Variants in FGFR2 observed in about 807,000 individuals in gnomAD.
FGFR2 encodes the protein fibroblast growth factor receptor 2.
A neutral mutation model predicts 95.9 loss-of-function variants in FGFR2; 19 were observed. That is an observed-to-expected ratio of 0.20 (90% confidence interval 0.14 to 0.29). The LOEUF (loss-of-function observed/expected upper bound fraction) is 0.29, where lower values mean the gene tolerates loss of function less well. FGFR2 is among the 10% of genes least tolerant of loss of function. The probability of loss-of-function intolerance (pLI) is 1.00; values close to 1 mark genes in which losing one functional copy is unlikely to be tolerated. For missense variants in FGFR2, 707 were observed against 1,056.9 expected, an observed-to-expected ratio of 0.67 and a Z score of 4.59; for synonymous variants, 392 against 393.3, an observed-to-expected ratio of 1.00 and a Z score of 0.04.
rs1850276124 is a variant in FGFR2, at chr10:121,520,007, T to C, written c.911A>G (p.Asp304Gly). Residue 304 changes from aspartate (D) to glycine (G), a missense_variant, in exon 7 of 18, where the codon GAC (aspartate) becomes GGC (glycine). Physicochemically the swap from Asp to Gly is moderately conservative, Grantham distance 94. Coordinates refer to ENST00000358487, the MANE Select transcript of FGFR2 (RefSeq NM_000141.5). Reference protein sequence around the residue: ...VEKNGSKYGPDGLPYLKVLKA... With the variant: ...VEKNGSKYGPGGLPYLKVLKA... ...GAGAACCTTGAGGTAGGGCAGCCCG[T>C]CGGGCCCGTATTTACTGCCGTTCTT... The C allele has an allele frequency of 3.7e-6, 6 of 1,614,090 alleles. No individual in the cohort carries two copies. Among genetic ancestry groups the C allele is most frequent in the Admixed American group, 1.7e-5 (1 of 60,010 alleles).
chr10:121,543,098 C>T (rs551862399), intron 5 of FGFR2, among the ~76,000 whole-genome samples: 29 of 152,282 alleles, frequency 1.9e-4, no homozygotes, highest in Non-Finnish European at 3.1e-4. Flanking sequence ...GCCTTTCTCC[C>T]GCCAGTATCA....
chr10:121,584,316 C>A (rs1861421164), intron 2 of FGFR2, among the ~76,000 whole-genome samples: 1 of 151,622 alleles, frequency 6.6e-6, no homozygotes, highest in African/African-American at 2.4e-5. Flanking sequence ...TCCAGCCTGG[C>A]CAAAAGCAGA....
chr10:121,557,919 G>C (rs1362469977), intron 4 of FGFR2, among the ~76,000 whole-genome samples: 2 of 152,066 alleles, frequency 1.3e-5, no homozygotes, highest in Non-Finnish European at 2.9e-5. Context: ...ATGGAGTGTG[G>C]GCATCTGCAG....
chr10:121,490,025 AGC>A (rs1276773895), intron 13 of FGFR2, among the ~76,000 whole-genome samples: 1 of 152,240 alleles, frequency 6.6e-6, no homozygotes, highest in Non-Finnish European at 1.5e-5. Flanking sequence ...ACCTGGCCTC[AGC>A]CTGAATGTGC....
chr10:121,524,330 T>C (rs1192086281), intron 6 of FGFR2, among the ~76,000 whole-genome samples: 1 of 152,230 alleles, frequency 6.6e-6, no homozygotes, highest in African/African-American at 2.4e-5. Flanking sequence ...AGCAGGATTG[T>C]TCTGTAATAG....
chr10:121,537,745 G>C (rs1295332915), intron 6 of FGFR2, among the ~76,000 whole-genome samples: 3 of 152,108 alleles, frequency 2.0e-5, no homozygotes, highest in Non-Finnish European at 4.4e-5. Context: ...GTGGCAGGTT[G>C]AAAGTCAAGG....
At chr10:121,590,226 T>C (rs1862437379) in intron 2 of FGFR2, among the ~76,000 whole-genome samples, 1 of 152,180 alleles carries the variant, frequency 6.6e-6, no homozygotes, top group Admixed American at 6.5e-5. Context: ...GGTGTAGGGT[T>C]GAAAAGCCCT....
chr10:121,500,154 T>A (rs1178120954), intron 11 of FGFR2, among the ~76,000 whole-genome samples: 2 of 152,154 alleles, frequency 1.3e-5, no homozygotes, highest in East Asian at 3.9e-4. Context: ...GACGAATAAG[T>A]TAATGGTTAA....
rs779566502 is a variant in FGFR2 at position 121,520,026 on chromosome 10, C to T, written c.892G>A (p.Gly298Ser). Reference sequence around the variant, plus strand: ...AGCCCGTCGGGCCCGTATTTACTGCCGTTCTTTTCCACGTGCTTGATCCAC... The same window carrying T: ...AGCCCGTCGGGCCCGTATTTACTGCTGTTCTTTTCCACGTGCTTGATCCAC... ...IQWIKHVEKNGSKYGPDGLPY... is the reference protein window; with the variant it reads ...IQWIKHVEKNSSKYGPDGLPY... The change falls in exon 7 of 18, where the codon GGC (glycine) becomes AGC (serine). Residue 298 changes from glycine (G) to serine (S), a missense_variant. By Grantham distance (56) the Gly-to-Ser change is moderately conservative. This residue lies in a region of FGFR2 where 139 missense variants were observed against 278.1 expected (regional missense o/e 0.50). Transcript: ENST00000358487. 11 of 1,614,202 alleles carry T rather than the reference C, an allele frequency of 6.8e-6. No homozygotes were observed. The South Asian group carries it at 9.9e-5, about 15-fold the overall frequency.
chr10:121,481,834 A>ATT (rs147891697), intron 17 of FGFR2: 2 of 161,670 alleles, frequency 1.2e-5, no homozygotes, highest in East Asian at 1.3e-4. Context: ...TTTCTTTTTT[A>ATT]TTTTTATTTT....
chr10:121,518,578 G>A lies in FGFR2; in HGVS notation c.940-1115C>T. The A allele has an allele frequency of 7.7e-7, 1 of 1,294,944 alleles. No individual in the cohort carries two copies. The highest frequency in any genetic ancestry group is 1.3e-5 in the South Asian group (1 of 79,802). 80.2% of individuals were successfully genotyped at this position (1,294,944 alleles called of 1,614,324 possible). On this transcript the variant is annotated intron_variant, in intron 7 of 17. Transcript: ENST00000358487. This position sits in a 1 kb window ranked among gnomAD's most constrained non-coding sequence, Gnocchi z 4.0. ...TATTATAAATATACCAAGGCCACAA[G>A]AGTTATCCTATAAGCTGCCTGCAGT...
intron 5 of FGFR2, among the ~76,000 whole-genome samples, chr10:121,545,534 T>C (rs1482141822): frequency 1.3e-5 from 2 of 152,182 alleles, no homozygotes; most frequent in Non-Finnish European, 2.9e-5. Context: ...GAGCAGTCCA[T>C]AAACGTTGGC....
chr10:121,539,919 C>T (rs1360676370), intron 5 of FGFR2, among the ~76,000 whole-genome samples: 3 of 152,208 alleles, frequency 2.0e-5, no homozygotes, highest in South Asian at 2.1e-4. Context: ...CAAAGCAGCG[C>T]CAGTGATTAG....
chr10:121,592,734 A>G (rs1335827823), intron 2 of FGFR2, among the ~76,000 whole-genome samples: 1 of 152,170 alleles, frequency 6.6e-6, no homozygotes, highest in Non-Finnish European at 1.5e-5. Flanking sequence ...AGAGCAGCTC[A>G]GCTTACCCCA....
chr10:121,539,402 T>C (rs974144871), intron 5 of FGFR2, among the ~76,000 whole-genome samples: 1 of 152,152 alleles, frequency 6.6e-6, no homozygotes, highest in African/African-American at 2.4e-5. Flanking sequence ...TTCACAAACT[T>C]CTTGAGACTT....
At chr10:121,593,433 G>T (rs1056068969) in intron 2 of FGFR2, among the ~76,000 whole-genome samples, 3 of 152,016 alleles carry the variant, frequency 2.0e-5, no homozygotes, top group Non-Finnish European at 2.9e-5. Context: ...GCTCTCTCGG[G>T]CACTGGATAA....
Position 121,559,403 on chromosome 10 carries a change from G to C in FGFR2, c.454+5099C>G, listed in dbSNP as rs997992684. Among the ~76,000 whole-genome samples the C allele has an allele frequency of 3.9e-5, 6 of 152,262 alleles. No individual in the cohort carries two copies. The South Asian group carries it at 1.2e-3, about 32-fold the overall frequency. On this transcript the variant is annotated intron_variant, in intron 4 of 17. Transcript: ENST00000358487. ...TTTTAATGGCAACGTCCCCTTTCCTGCCTTGCCAATTACCCCGGCCGTGGC... is the reference window on the plus strand; with the variant it reads ...TTTTAATGGCAACGTCCCCTTTCCTCCCTTGCCAATTACCCCGGCCGTGGC...
At chr10:121,484,924 T>G (rs1358512001) in intron 16 of FGFR2, among the ~76,000 whole-genome samples, 1 of 152,148 alleles carries the variant, frequency 6.6e-6, no homozygotes, top group Non-Finnish European at 1.5e-5. Context: ...AAACACCGAT[T>G]CTCTACTGGC....
chr10:121,482,419 C>A (rs1002684238), intron 17 of FGFR2, among the ~76,000 whole-genome samples: 2 of 152,180 alleles, frequency 1.3e-5, no homozygotes, highest in African/African-American at 4.8e-5. Context: ...CATATCACTA[C>A]ATTTGATTAT....
Sources: gnomAD v4.1 joint callset for allele counts (sites outside exome capture counted in the v4.1 genomes callset) on GRCh38, gnomAD v4.1.1 for gene constraint, gnomAD v4.1.1 regional missense constraint, Gnocchi (gnomAD v3.1) non-coding constraint, MANE v1.5 for transcripts, NCBI Gene and HGNC (gene_info 2026-07-23, HGNC 2026-07-21) for gene names.